ZNF227: variants seen among roughly 807,000 people sequenced by gnomAD.
ZNF227 encodes zinc finger protein 227.
ZNF227 carries 12 observed loss-of-function variants against 13.2 expected under a neutral mutation model. The observed-to-expected ratio is 0.91, with a 90% CI of 0.58 to 1.47. The LOEUF (loss-of-function observed/expected upper bound fraction) is 1.47, where lower values mean the gene tolerates loss of function less well. Ranked by LOEUF, ZNF227 falls within the 40% of genes most tolerant of loss-of-function variation. ZNF227 has a pLI of 0.00. For synonymous variants in ZNF227, 338 were observed against 326.0 expected, an observed-to-expected ratio of 1.04 and a Z score of -0.40; for missense variants, 885 against 967.5, an observed-to-expected ratio of 0.91 and a Z score of 1.13.
chr19:44,213,399 A>C lies in ZNF227; in HGVS notation c.-3+155A>C, dbSNP rs138206454. On this transcript the variant is annotated intron_variant, in intron 2 of 5. Transcript: ENST00000313040. ...AAACTACTTGGAAATGAGTATTACC[A>C]ATAACATCTTACCACTTTGATTTTA... 6 of 152,358 alleles carry C rather than the reference A, an allele frequency of 3.9e-5. No individual in the cohort carries two copies. The East Asian group carries it at 1.2e-3, about 29-fold the overall frequency. 9.4% of individuals were successfully genotyped at this position (152,358 alleles called of 1,614,324 possible).
At chr19:44,226,091 C>T (rs979924307) in intron 3 of ZNF227, among the ~76,000 whole-genome samples, 6 of 152,318 alleles carry the variant, frequency 3.9e-5, no homozygotes, top group Middle Eastern at 3.4e-3. Flanking sequence ...GGCTGTAGAA[C>T]AGCAGATATT....
At chr19:44,219,879 A>G (rs961605565) in intron 3 of ZNF227, among the ~76,000 whole-genome samples, 4 of 151,610 alleles carry the variant, frequency 2.6e-5, no homozygotes, top group Non-Finnish European at 5.9e-5. Context: ...TGCTGCACCC[A>G]TTAACTCGTC....
At chr19:44,217,590 G>A (rs1972025460) in intron 2 of ZNF227, 1 of 729,818 alleles carries the variant, frequency 1.4e-6, no homozygotes, top group Admixed American at 1.9e-5. Context: ...TAGCAAGGAT[G>A]CTGCACTTGT....
intron 3 of ZNF227, among the ~76,000 whole-genome samples, chr19:44,221,385 A>G (rs1405071628): frequency 6.6e-6 from 1 of 152,176 alleles, no homozygotes; most frequent in East Asian, 1.9e-4. Flanking sequence ...CCAGCAGTGT[A>G]AAAGTGTTCC....
rs1278877724 is a variant in ZNF227 at position 44,236,849 on chromosome 19, C to A, written c.*19C>A. The stretch of plus-strand genomic sequence containing the variant: ...GCTTTAGAAATGAGAAATGTGTTAC[C>A]AACTTTTGTCTGAATGCACATCTTC... On this transcript the variant is annotated 3_prime_UTR_variant, in exon 6 of 6. Transcript: ENST00000313040. 11 of 1,535,118 alleles carry A rather than the reference C, an allele frequency of 7.2e-6. No homozygotes were observed. The highest frequency in any genetic ancestry group is 9.6e-6 in the Non-Finnish European group (11 of 1,143,096).
chr19:44,233,546 AAAT>A (rs1974079309), intron 5 of ZNF227, among the ~76,000 whole-genome samples: 1 of 152,144 alleles, frequency 6.6e-6, no homozygotes. Context: ...ATAGTAAATC[AAAT>A]AATAAGTACT....
chr19:44,228,683 A>G, intron 4 of ZNF227, 111 bp downstream of exon 4: 1 of 1,272,016 alleles, frequency 7.9e-7, no homozygotes, highest in Non-Finnish European at 1.0e-6. Flanking sequence ...CTTGAAGACA[A>G]AAGGTTTTCT....
chr19:44,220,071 G>A (rs1224085376), intron 3 of ZNF227, among the ~76,000 whole-genome samples: 4 of 151,964 alleles, frequency 2.6e-5, no homozygotes, highest in Non-Finnish European at 5.9e-5. Flanking sequence ...GAGAATGATG[G>A]TTTCCAGTTT....
intron 5 of ZNF227, among the ~76,000 whole-genome samples, chr19:44,230,112 T>G (rs1462908765): frequency 6.6e-6 from 1 of 152,026 alleles, no homozygotes; most frequent in East Asian, 1.9e-4. Context: ...ACCTCCTGAT[T>G]TCAAGTGGTC....
At chr19:44,209,018 T>A (rs1375974175), upstream of ZNF227, among the ~76,000 whole-genome samples, 1 of 152,152 alleles carries the variant, frequency 6.6e-6, no homozygotes. Flanking sequence ...GAAGCTGCAG[T>A]GAGCTATGAC....
intron 5 of ZNF227, among the ~76,000 whole-genome samples, chr19:44,234,394 A>G (rs1376318610): frequency 6.6e-6 from 1 of 152,194 alleles, no homozygotes; most frequent in East Asian, 1.9e-4. Flanking sequence ...AGGTTGGAAT[A>G]TGGATTTTCT....
At chr19:44,224,192 T>C (rs1399493957) in intron 3 of ZNF227, among the ~76,000 whole-genome samples, 1 of 152,200 alleles carries the variant, frequency 6.6e-6, no homozygotes, top group Non-Finnish European at 1.5e-5. Flanking sequence ...CTTCCAACTA[T>C]GTGGTCAATT....
chr19:44,226,157 A>C (rs191028566), intron 3 of ZNF227, among the ~76,000 whole-genome samples: 78 of 152,296 alleles, frequency 5.1e-4, no homozygotes, highest in African/African-American at 1.7e-3. Flanking sequence ...GTCTCAGAGG[A>C]GTACTCAGCT....
Position 44,235,659 on chromosome 19 carries a change from G to A in ZNF227, c.1229G>A (p.Cys410Tyr). The part of the protein sequence containing the change: ...RVHRGEKPYK[C>Y]EECGKGFTQA... ...CACAGGGGTGAGAAGCCCTATAAAT[G>A]TGAGGAATGTGGTAAGGGCTTCACT... The change falls in exon 6 of 6, where the codon TGT becomes TAT. Residue 410 changes from cysteine to tyrosine, a missense_variant. By Grantham distance (194) the Cys-to-Tyr change is radical. Coordinates refer to ENST00000313040, the MANE Select transcript of ZNF227 (RefSeq NM_182490.3). The A allele has an allele frequency of 6.2e-7, 1 of 1,614,138 alleles. No individual in the cohort carries two copies. The highest frequency in any genetic ancestry group is 8.5e-7 in the Non-Finnish European group (1 of 1,180,028).
chr19:44,236,791 T>C lies in ZNF227; in HGVS notation c.2361T>C (p.Leu787=), dbSNP rs142895833. ...CDKDFRHRSR[L]TYHQKVHTGK... ...AGGACTTCCGTCACCGTTCACGTCTTACATATCATCAGAAAGTCCATACTG... is the reference window on the plus strand; with the variant it reads ...AGGACTTCCGTCACCGTTCACGTCTCACATATCATCAGAAAGTCCATACTG... Residue 787 remains leucine, a synonymous_variant, in exon 6 of 6, where the codon CTT becomes CTC. Coordinates refer to ENST00000313040, the MANE Select transcript of ZNF227 (RefSeq NM_182490.3). The C allele has an allele frequency of 4.4e-6, 7 of 1,598,754 alleles. 1 individual carries two copies. In the African/African-American group the frequency reaches 9.5e-5, roughly 22 times the overall value.
chr19:44,222,710 CAG>C (rs1397371393), intron 3 of ZNF227, among the ~76,000 whole-genome samples: 1 of 149,814 alleles, frequency 6.7e-6, no homozygotes, highest in East Asian at 2.0e-4. Context: ...CATCTGCAAA[CAG>C]GGACAATTTG....
At chr19:44,211,813 CTTTT>C (rs1176772105), upstream of ZNF227, among the ~76,000 whole-genome samples, 1 of 119,616 alleles carries the variant, frequency 8.4e-6, no homozygotes, top group Non-Finnish European at 1.8e-5. Flanking sequence ...TTCCTCTGCC[CTTTT>C]TTTTTTTTTT....
chr19:44,230,951 A>ATATATATGTCTATCTATCTATCTATC (rs1244386357), intron 5 of ZNF227, among the ~76,000 whole-genome samples: 6 of 132,702 alleles, frequency 4.5e-5, no homozygotes, highest in African/African-American at 1.9e-4. Flanking sequence ...ATATATATAT[A>ATATATATGTCTATCTATCTATCTATC]TATCTTAGCC....
intron 3 of ZNF227, among the ~76,000 whole-genome samples, chr19:44,226,506 T>G (rs571181756): frequency 6.2e-4 from 94 of 152,312 alleles, no homozygotes; most frequent in Non-Finnish European, 1.1e-3. Flanking sequence ...CCTCGCTGCC[T>G]CCTTGCAGTT....
Sources: gnomAD v4.1 joint callset for allele counts (sites outside exome capture counted in the v4.1 genomes callset) on GRCh38, gnomAD v4.1.1 for gene constraint, MANE v1.5 for transcripts, NCBI Gene and HGNC (gene_info 2026-07-23, HGNC 2026-07-21) for gene names.